Variants in CDH23 observed in about 807,000 individuals in gnomAD.
The protein encoded by CDH23 is cadherin related 23.
Under a neutral mutation model 317.1 loss-of-function variants are expected in CDH23, and 189 were observed. That is an observed-to-expected ratio of 0.60 (90% CI 0.53 to 0.67). The LOEUF is 0.67. Ranked by LOEUF, CDH23 falls within the 30% of genes least tolerant of loss-of-function variation. The pLI, the probability that CDH23 is intolerant of heterozygous loss-of-function variation, is 0.00. For missense variants in CDH23, 4,401 were observed against 4,592.4 expected (o/e 0.96, Z 1.20); for synonymous variants, 1,839 against 1,876.8 (o/e 0.98, Z 0.52).
At chr10:71,409,044 T>C (rs1848236335) in intron 1 of CDH23, among the ~76,000 whole-genome samples, 1 of 152,216 alleles carries the variant, frequency 6.6e-6, no homozygotes. Context: ...AAGGTTTGTT[T>C]GCTGAACTGG....
Position 71,751,696 on chromosome 10 carries a change from G to T in CDH23, c.4845+9775G>T. 1 of 1,551,462 alleles carries T rather than the reference G, an allele frequency of 6.4e-7. No individual in the cohort carries two copies. The highest frequency in any genetic ancestry group is 1.2e-5 in the South Asian group (1 of 81,570). On this transcript the variant is annotated intron_variant, in intron 38 of 69. Coordinates refer to ENST00000224721, the MANE Select transcript of CDH23 (RefSeq NM_022124.6). The surrounding 1 kb of genome is among the most constrained non-coding windows in gnomAD (Gnocchi z 4.9). ...GGGATGGGAAGAAGACGTCTCCGGGGCCTGGAGGAGACAGGGGGGTGCTGG... is the reference window on the plus strand; with the variant it reads ...GGGATGGGAAGAAGACGTCTCCGGGTCCTGGAGGAGACAGGGGGGTGCTGG...
At chr10:71,538,981 C>T (rs1475778769) in intron 6 of CDH23, among the ~76,000 whole-genome samples, 1 of 152,132 alleles carries the variant, frequency 6.6e-6, no homozygotes. Flanking sequence ...CTGCTCTCCT[C>T]ACTTGATTTT....
intron 51 of CDH23, 24 bp from the exon 52 acceptor site, chr10:71,799,468 C>T: frequency 6.2e-7 from 1 of 1,613,840 alleles, no homozygotes; most frequent in Non-Finnish European, 8.5e-7. Flanking sequence ...GGCCTACTCT[C>T]TCTCCCTGCC....
intron 23 of CDH23, 133 bp downstream of exon 23, chr10:71,702,344 G>A (rs530702119): frequency 2.4e-4 from 281 of 1,161,164 alleles, no homozygotes; most frequent in Non-Finnish European, 3.1e-4. Flanking sequence ...TAATACCCAC[G>A]CCCCAGTTGT....
intron 15 of CDH23, among the ~76,000 whole-genome samples, chr10:71,676,408 C>G (rs968082709): frequency 6.6e-6 from 1 of 151,388 alleles, no homozygotes; most frequent in Non-Finnish European, 1.5e-5. Context: ...GGGTGGATCA[C>G]CTGAGGTCAG....
chr10:71,760,727 G>A, intron 38 of CDH23: 2 of 754,508 alleles, frequency 2.7e-6, no homozygotes, highest in Non-Finnish European at 4.7e-6. Flanking sequence ...CAGAAGGGAT[G>A]TGCAGCAGCA....
chr10:71,420,687 T>C (rs960743723), intron 1 of CDH23, among the ~76,000 whole-genome samples: 1 of 152,012 alleles, frequency 6.6e-6, no homozygotes, highest in Non-Finnish European at 1.5e-5. Flanking sequence ...TTATGTTATT[T>C]GATACTTATA....
intron 11 of CDH23, among the ~76,000 whole-genome samples, chr10:71,635,504 T>A (rs1190340429): frequency 1.3e-5 from 2 of 152,138 alleles, no homozygotes; most frequent in African/African-American, 2.4e-5. Context: ...GGAGCAGAGA[T>A]AAGCTGAAGG....
At chr10:71,403,454 T>TTCCCTTCCTTCC (rs1227991708) in intron 1 of CDH23, among the ~76,000 whole-genome samples, 1 of 35,266 alleles carries the variant, frequency 2.8e-5, no homozygotes, top group Non-Finnish European at 4.4e-5. Flanking sequence ...CCTTCCTTCC[T>TTCCCTTCCTTCC]TTCCTTCCTT....
chr10:71,631,853 G>T (rs1862028196), intron 11 of CDH23, among the ~76,000 whole-genome samples: 1 of 152,214 alleles, frequency 6.6e-6, no homozygotes, highest in South Asian at 2.1e-4. Context: ...TTGAGAATCA[G>T]AGGAATCTCA....
intron 38 of CDH23, among the ~76,000 whole-genome samples, chr10:71,759,055 T>A (rs1840222024): frequency 6.6e-6 from 1 of 151,842 alleles, no homozygotes; most frequent in African/African-American, 2.4e-5. Flanking sequence ...TGTTTTTTTT[T>A]TGAGATGGAG....
chr10:71,671,037 G>A lies in CDH23; in HGVS notation c.1450-4075G>A, dbSNP rs544119140. Among the ~76,000 whole-genome samples, 5 of 147,464 alleles carry A rather than the reference G, an allele frequency of 3.4e-5. No individual in the cohort carries two copies. In the East Asian group the frequency reaches 1.0e-3, roughly 30 times the overall value. On this transcript the variant is annotated intron_variant, in intron 14 of 69. Transcript: ENST00000224721. ...TGCAGTGGTGCAATCTCGGTTCACT[G>A]CAACCTCCGCTTCCCAGGTTCAAGC...
chr10:71,654,718 C>G (rs1863339173), intron 14 of CDH23, among the ~76,000 whole-genome samples: 1 of 152,082 alleles, frequency 6.6e-6, no homozygotes, highest in African/African-American at 2.4e-5. Context: ...GGACTGTGGC[C>G]CAAGCACCCA....
chr10:71,674,894 A>G (rs975067104), intron 14 of CDH23, among the ~76,000 whole-genome samples: 9 of 152,270 alleles, frequency 5.9e-5, no homozygotes, highest in Non-Finnish European at 1.0e-4. Flanking sequence ...GTGGAGGAAC[A>G]CCTGGTGGCG....
At chr10:71,484,660 A>G (rs12256187) in intron 3 of CDH23, among the ~76,000 whole-genome samples, 35,565 of 152,138 alleles carry the variant, frequency 0.23, 4,507 homozygotes, top group African/African-American at 0.24. Context: ...GTCATTTGTA[A>G]ACATTATCAG....
rs1223980355 is a variant in CDH23 at position 71,724,083 on chromosome 10, T to C, written c.3408T>C (p.Arg1136=). Residue 1136 remains arginine, a synonymous_variant, in exon 29 of 70, where the codon CGT becomes CGC. Coordinates refer to ENST00000224721, the MANE Select transcript of CDH23 (RefSeq NM_022124.6). ...ACGCAGATGAGGGCGAGTTTGGGCG[T>C]GTGTGGTACCGCATCCTCCATGGTA... ...ATDADEGEFG[R]VWYRILHGNH... The C allele has an allele frequency of 3.2e-6, 5 of 1,559,794 alleles. No homozygotes were observed. The highest frequency in any genetic ancestry group is 4.3e-6 in the Non-Finnish European group (5 of 1,151,566).
At chr10:71,759,954 T>TACAC (rs1395825602) in intron 38 of CDH23, among the ~76,000 whole-genome samples, 5 of 62,466 alleles carry the variant, frequency 8.0e-5, no homozygotes, top group Non-Finnish European at 1.2e-4. Context: ...CACATATATA[T>TACAC]ACACACACAT....
At chr10:71,648,147 G>C (rs1862985629) in intron 14 of CDH23, among the ~76,000 whole-genome samples, 1 of 152,234 alleles carries the variant, frequency 6.6e-6, no homozygotes, top group Non-Finnish European at 1.5e-5. Context: ...TGCGGCAGCT[G>C]TTTTCTTCAC....
intron 6 of CDH23, among the ~76,000 whole-genome samples, chr10:71,557,216 C>CT (rs1398939440): frequency 6.6e-6 from 1 of 152,176 alleles, no homozygotes; most frequent in African/African-American, 2.4e-5. Flanking sequence ...TATATTTCCT[C>CT]TTTTATTTTC....
Sources: allele counts gnomAD v4.1 joint callset (sites outside exome capture counted in the v4.1 genomes callset), GRCh38; gene constraint gnomAD v4.1.1; non-coding constraint Gnocchi (gnomAD v3.1); transcripts MANE v1.5; gene names NCBI Gene and HGNC (gene_info 2026-07-23, HGNC 2026-07-21).